Variants in DLC1 observed in about 807,000 individuals in gnomAD.
DLC1 encodes DLC1 Rho GTPase activating protein.
A neutral mutation model predicts 140.3 loss-of-function variants in DLC1; 54 were observed. That is an observed-to-expected ratio of 0.38 (90% CI 0.31 to 0.48). The LOEUF is 0.48. Among genes scored for constraint, DLC1 ranks in the 20% least tolerant of loss-of-function variants. The probability of loss-of-function intolerance (pLI) is 0.96; values close to 1 mark genes in which losing one functional copy is unlikely to be tolerated. For synonymous variants in DLC1, 986 were observed against 728.1 expected (o/e 1.35, Z -5.70); for missense variants, 2,536 against 1,907.0 (o/e 1.33, Z -6.14).
chr8:13,218,823 T>C (rs1351116888), intron 5 of DLC1, among the ~76,000 whole-genome samples: 1 of 134,424 alleles, frequency 7.4e-6, no homozygotes, highest in Non-Finnish European at 1.5e-5. Context: ...CATAATTATA[T>C]GAATATAACT....
chr8:13,165,161 T>C (rs1295526306), intron 5 of DLC1, among the ~76,000 whole-genome samples: 1 of 152,208 alleles, frequency 6.6e-6, no homozygotes, highest in East Asian at 1.9e-4. Context: ...CTGTGTCCTA[T>C]GCAATATTTG....
intron 1 of DLC1, among the ~76,000 whole-genome samples, chr8:13,553,024 A>G (rs1803915945): frequency 6.6e-6 from 1 of 151,454 alleles, no homozygotes; most frequent in South Asian, 2.1e-4. Flanking sequence ...ATATTATACT[A>G]AAAGCTTGTT....
At chr8:13,282,542 C>A (rs1433264032) in intron 5 of DLC1, among the ~76,000 whole-genome samples, 1 of 152,194 alleles carries the variant, frequency 6.6e-6, no homozygotes, top group Admixed American at 6.5e-5. Flanking sequence ...AACAGAATAT[C>A]TAATAGTAAA....
intron 5 of DLC1, among the ~76,000 whole-genome samples, chr8:13,273,932 C>T (rs921334697): frequency 1.3e-5 from 2 of 152,120 alleles, no homozygotes; most frequent in Non-Finnish European, 2.9e-5. Flanking sequence ...ACCGAAATAA[C>T]ATTCTAGCTA....
chr8:13,585,393 C>A (rs1401542104), intron 1 of DLC1, among the ~76,000 whole-genome samples: 1 of 151,882 alleles, frequency 6.6e-6, no homozygotes, highest in Non-Finnish European at 1.5e-5. Context: ...GCAAGACTCT[C>A]ATCTCTATAA....
At chr8:13,468,335 C>CCCCCCT (rs1800040058) in intron 2 of DLC1, among the ~76,000 whole-genome samples, 1 of 107,740 alleles carries the variant, frequency 9.3e-6, no homozygotes. Context: ...TTCCCTTCCC[C>CCCCCCT]CCATTCCCCT....
At chr8:13,319,589 C>CCAGCTA in intron 4 of DLC1, among the ~76,000 whole-genome samples, 1 of 151,402 alleles carries the variant, frequency 6.6e-6, no homozygotes, top group East Asian at 2.0e-4. Context: ...TCCTCCAGCG[C>CCAGCTA]CAGCCATGTA....
At chr8:13,217,338 T>G (rs1285494521) in intron 5 of DLC1, among the ~76,000 whole-genome samples, 1 of 152,182 alleles carries the variant, frequency 6.6e-6, no homozygotes, top group African/African-American at 2.4e-5. Context: ...ACGTTATTAA[T>G]ATCAACAATT....
intron 1 of DLC1, among the ~76,000 whole-genome samples, chr8:13,512,634 T>G (rs17094404): frequency 6.6e-6 from 1 of 152,038 alleles, no homozygotes; most frequent in Non-Finnish European, 1.5e-5. Flanking sequence ...GCAACAATGA[T>G]TTAGGCTAGA....
intron 2 of DLC1, among the ~76,000 whole-genome samples, chr8:13,425,459 C>A (rs1333858725): frequency 6.6e-6 from 1 of 152,180 alleles, no homozygotes. Flanking sequence ...CTAACACTCA[C>A]TGTCTGACAT....
intron 5 of DLC1, among the ~76,000 whole-genome samples, chr8:13,226,845 G>T (rs866045980): frequency 2.0e-5 from 3 of 152,298 alleles, no homozygotes; most frequent in Middle Eastern, 3.4e-3. Context: ...GAAGATTCTG[G>T]TTTAGTAGAT....
At chr8:13,595,016 G>T (rs1805638302) in intron 1 of DLC1, among the ~76,000 whole-genome samples, 1 of 150,942 alleles carries the variant, frequency 6.6e-6, no homozygotes. Flanking sequence ...TTCAATTGTT[G>T]TGAGAAAAAA....
intron 2 of DLC1, among the ~76,000 whole-genome samples, chr8:13,455,164 G>C (rs1799327406): frequency 6.6e-6 from 1 of 152,052 alleles, no homozygotes; most frequent in Non-Finnish European, 1.5e-5. Flanking sequence ...ATTTATTAAA[G>C]CAAATATTAC....
intron 5 of DLC1, among the ~76,000 whole-genome samples, chr8:13,249,286 C>T (rs1344463342): frequency 6.6e-6 from 1 of 152,134 alleles, no homozygotes; most frequent in Non-Finnish European, 1.5e-5. Context: ...CCATGTCGGC[C>T]AGGCTGGTCT....
intron 1 of DLC1, among the ~76,000 whole-genome samples, chr8:13,544,435 A>G (rs1803589000): frequency 1.3e-5 from 2 of 152,230 alleles, no homozygotes; most frequent in South Asian, 4.1e-4. Context: ...GTTAATCTGT[A>G]CATAGAAGAT....
rs528191085 is a variant in DLC1 at position 13,588,285 on chromosome 8, A to C, written c.-126+16252T>G. On this transcript the variant is annotated intron_variant, in intron 1 of 1. Coordinates refer to the DLC1 transcript ENST00000631382. Reference sequence around the variant, plus strand: ...GAAAATGGTAGGAAGCATGATACCTATATTAGCCTACTGGGTGGATTACCG... The same window carrying C: ...GAAAATGGTAGGAAGCATGATACCTCTATTAGCCTACTGGGTGGATTACCG... 7.9e-5 allele frequency among the ~76,000 whole-genome samples: 12 copies of C among 152,268 alleles called. No individual in the cohort carries two copies. In the South Asian group the frequency reaches 1.4e-3, roughly 18 times the overall value.
intron 5 of DLC1, among the ~76,000 whole-genome samples, chr8:13,253,054 C>A (rs1482777916): frequency 6.6e-6 from 1 of 152,102 alleles, no homozygotes; most frequent in Non-Finnish European, 1.5e-5. Flanking sequence ...GAGAAGCCAT[C>A]GTATGATCAA....
chr8:13,441,465 G>A (rs550972866), intron 2 of DLC1, among the ~76,000 whole-genome samples: 4 of 152,306 alleles, frequency 2.6e-5, no homozygotes, highest in South Asian at 2.1e-4. Context: ...AAACCGCATC[G>A]TCACAGCCCA....
upstream of DLC1, among the ~76,000 whole-genome samples, chr8:13,519,635 T>A (rs1393147160): frequency 6.6e-6 from 1 of 152,178 alleles, no homozygotes; most frequent in Non-Finnish European, 1.5e-5. Flanking sequence ...GGTCTTAAAT[T>A]ATCAAAAGTA....
Sources: gnomAD v4.1 joint callset for allele counts (sites outside exome capture counted in the v4.1 genomes callset) on GRCh38, gnomAD v4.1.1 for gene constraint, MANE v1.5 for transcripts, NCBI Gene and HGNC (gene_info 2026-07-23, HGNC 2026-07-21) for gene names.